The following DNASE1 variants were observed in gnomAD, a reference collection of about 807,000 sequenced individuals.
DNASE1 encodes the protein deoxyribonuclease-1.
Under a neutral mutation model 33.9 loss-of-function variants are expected in DNASE1, and 40 were observed. The ratio of observed to expected loss-of-function variants is 1.18; its 90% CI spans 0.92 to 1.54. DNASE1 has a LOEUF of 1.54. DNASE1 is among the 40% of genes most tolerant of loss of function. The pLI, the probability that DNASE1 is intolerant of heterozygous loss-of-function variation, is 0.00. For missense variants in DNASE1, 518 were observed against 372.6 expected (o/e 1.39, Z -3.21); for synonymous variants, 216 against 160.0 (o/e 1.35, Z -2.64).
chr16:3,619,373 T>A (rs1251090170), intron 1 of DNASE1, among the ~76,000 whole-genome samples: 1 of 149,286 alleles, frequency 6.7e-6, no homozygotes, highest in Non-Finnish European at 1.5e-5. Context: ...TTTTTTATTT[T>A]TTTTTGGAGA....
At chr16:3,656,018 G>C in intron 3 of DNASE1, 81 bp downstream of exon 3, 1 of 1,611,748 alleles carries the variant, frequency 6.2e-7, no homozygotes. Flanking sequence ...CCAAGGGTGG[G>C]GACCTGGGCA....
chr16:3,629,401 G>T (rs1415901728), intron 1 of DNASE1, among the ~76,000 whole-genome samples: 1 of 152,082 alleles, frequency 6.6e-6, no homozygotes. Flanking sequence ...GAATTTTGTA[G>T]GTTGGACCAT....
chr16:3,627,555 G>A (rs1273390201), intron 1 of DNASE1, among the ~76,000 whole-genome samples: 6 of 152,246 alleles, frequency 3.9e-5, no homozygotes, highest in Admixed American at 3.9e-4. Flanking sequence ...ACATGAGCCA[G>A]TGCACCTGGC....
rs768579931 is a variant in DNASE1 at position 3,656,772 on chromosome 16, A to AG, written c.436+22dup. ...TTCACAGGTGGGTGCTGCCTGGGCCAGGGTGGGGCTCGGCTTGGCGCTTAT... is the reference window on the plus strand; with the variant it reads ...TTCACAGGTGGGTGCTGCCTGGGCCAGGGGTGGGGCTCGGCTTGGCGCTTAT... On this transcript the variant is annotated intron_variant, in intron 5 of 8. Coordinates refer to ENST00000246949, the MANE Select transcript of DNASE1 (RefSeq NM_005223.4). The AG allele has an allele frequency of 6.3e-7, 1 of 1,591,306 alleles. No individual in the cohort carries two copies. The highest frequency in any genetic ancestry group is 8.6e-7 in the Non-Finnish European group (1 of 1,168,930).
At position 3,663,628 on chromosome 16, in the gene DNASE1, G is replaced by A. The variant is rs1222830743; in HGVS notation, c.*5675G>A. ...CTCCAGCCACCACAGAAGAAAGGAT[G>A]AGGGCGGCAGGAGGGCTGGGGGAGC... On this transcript the variant is annotated 3_prime_UTR_variant, in exon 10 of 10. Transcript: ENST00000407479. 5 of 1,598,564 alleles carry A rather than the reference G, an allele frequency of 3.1e-6. No individual in the cohort carries two copies. The African/African-American group carries it at 4.0e-5, about 13-fold the overall frequency.
Position 3,620,848 on chromosome 16 carries a change from TG to T in DNASE1, c.-1359+8844del, listed in dbSNP as rs1188216875. Among the ~76,000 whole-genome samples, 3 of 152,114 alleles carry T rather than the reference TG, an allele frequency of 2.0e-5. No individual in the cohort carries two copies. The East Asian group carries it at 5.8e-4, about 29-fold the overall frequency. ...CAGAGTCTTACTCTGTCACCCAGGC[TG>T]GAGTGCAGTGGCGCAATGCCGGCTC... On this transcript the variant is annotated intron_variant and NMD_transcript_variant, in intron 1 of 11. Coordinates refer to the DNASE1 transcript ENST00000570769.
At chr16:3,621,341 A>G (rs538178122) in intron 1 of DNASE1, among the ~76,000 whole-genome samples, 3 of 152,256 alleles carry the variant, frequency 2.0e-5, no homozygotes, top group Admixed American at 1.3e-4. Flanking sequence ...CCTGCCTCCA[A>G]AAGTGCTGGG....
In DNASE1 at chr16:3,657,753, C is replaced by T. The variant is rs749533626; in HGVS notation, c.738C>T (p.Ala246=). 24 of 1,613,772 alleles carry T rather than the reference C, an allele frequency of 1.5e-5. No homozygotes were observed. The highest frequency in any genetic ancestry group is 1.3e-4 in the East Asian group (6 of 44,870). The stretch of plus-strand genomic sequence containing the variant: ...TTGCAGGGATGCTGCTCCGAGGCGC[C>T]GTTGTTCCCGACTCGGCTCTTCCCT... ...IVVAGMLLRG[A]VVPDSALPFN... Residue 246 remains alanine (A), a synonymous_variant, in exon 8 of 9, where the codon GCC becomes GCT. Coordinates refer to ENST00000246949, the MANE Select transcript of DNASE1 (RefSeq NM_005223.4).
upstream of DNASE1, chr16:3,640,757 C>A (rs529664534): frequency 1.3e-5 from 5 of 398,626 alleles, no homozygotes; most frequent in South Asian, 5.1e-4. Flanking sequence ...CAAAAGCTTG[C>A]TGAGTGGTAC....
At chr16:3,660,988 CTTTTTGCTGTTTTCTA>C (rs2043043463), downstream of DNASE1, 1 of 152,032 alleles carries the variant, frequency 6.6e-6, no homozygotes, top group African/African-American at 2.4e-5. Context: ...TTTTGATTTC[CTTTTTGCTGTTTTCTA>C]TTTTTGGTAA....
intron 4 of DNASE1, 59 bp downstream of exon 4, chr16:3,656,244 A>G: frequency 6.5e-7 from 1 of 1,548,724 alleles, no homozygotes; most frequent in Non-Finnish European, 8.9e-7. Flanking sequence ...CCAACAGAGC[A>G]GGGAAGTAGT....
rs1445584876 is a variant in DNASE1 at position 3,657,080 on chromosome 16, A to T, written c.518A>T (p.Tyr173Phe). 6.2e-7 allele frequency: 1 copy of T among 1,614,082 alleles called. No homozygotes were observed. The highest frequency in any genetic ancestry group is 8.5e-7 in the Non-Finnish European group (1 of 1,180,014). The change falls in exon 6 of 9, where the codon TAC (tyrosine) becomes TTC (phenylalanine). Residue 173 changes from tyrosine to phenylalanine, a missense_variant. Physicochemically the swap from Tyr to Phe is conservative, Grantham distance 22. Coordinates refer to ENST00000246949, the MANE Select transcript of DNASE1 (RefSeq NM_005223.4). ...GAGATCGACGCTCTCTATGACGTCTACCTGGATGTCCAAGAGAAATGGGGC... is the reference window on the plus strand; with the variant it reads ...GAGATCGACGCTCTCTATGACGTCTTCCTGGATGTCCAAGAGAAATGGGGC... ...VAEIDALYDVYLDVQEKWGLE... is the reference protein window; with the variant it reads ...VAEIDALYDVFLDVQEKWGLE...
chr16:3,646,132 C>G (rs2042166085), intron 1 of DNASE1, among the ~76,000 whole-genome samples: 2 of 152,150 alleles, frequency 1.3e-5, no homozygotes, highest in South Asian at 4.1e-4. Context: ...TTCCTGTCAG[C>G]TCAAGCCCAG....
At chr16:3,635,237 C>T (rs899734632) in intron 1 of DNASE1, among the ~76,000 whole-genome samples, 1 of 151,898 alleles carries the variant, frequency 6.6e-6, no homozygotes, top group Non-Finnish European at 1.5e-5. Flanking sequence ...GCAGATGGAT[C>T]GCTTGAGGTC....
chr16:3,614,013 C>G (rs1380823822), intron 1 of DNASE1, among the ~76,000 whole-genome samples: 1 of 149,714 alleles, frequency 6.7e-6, no homozygotes, highest in Admixed American at 6.7e-5. Flanking sequence ...CCCGGGTTCA[C>G]GCCATTCTCC....
rs914236621 is a variant in DNASE1, at chr16:3,656,674, C to T, written c.357C>T (p.Tyr119=). 9.9e-6 allele frequency: 16 copies of T among 1,613,118 alleles called. No individual in the cohort carries two copies. The highest frequency in any genetic ancestry group is 4.0e-5 in the African/African-American group (3 of 74,908). The change falls in exon 5 of 9, where the codon TAC becomes TAT. Residue 119 remains tyrosine, a synonymous_variant. Coordinates refer to ENST00000246949, the MANE Select transcript of DNASE1 (RefSeq NM_005223.4). ...TGTCTGCGGTGGACAGCTACTACTACGATGATGGCTGCGAGCCCTGCGGGA... is the reference window on the plus strand; with the variant it reads ...TGTCTGCGGTGGACAGCTACTACTATGATGATGGCTGCGAGCCCTGCGGGA... ...DQVSAVDSYY[Y]DDGCEPCGND... is the part of the protein sequence containing the mutation.
chr16:3,664,360 G>C (rs113510154), exon 10 of DNASE1: 16 of 1,612,996 alleles, frequency 9.9e-6, no homozygotes, highest in Non-Finnish European at 1.4e-5. Context: ...TAGATGTTGC[G>C]GGTGCCGGCC....
exon 10 of DNASE1, chr16:3,663,944 T>G: frequency 2.9e-6 from 1 of 345,006 alleles, no homozygotes; most frequent in Non-Finnish European, 5.3e-6. Context: ...GCACCTGTAG[T>G]CCCAGCTACT....
intron 1 of DNASE1, among the ~76,000 whole-genome samples, chr16:3,623,257 A>T (rs996088886): frequency 1.3e-5 from 2 of 152,046 alleles, no homozygotes; most frequent in Non-Finnish European, 2.9e-5. Flanking sequence ...ACGCTATTCA[A>T]TAAATAGCGC....
Sources: allele counts gnomAD v4.1 joint callset (sites outside exome capture counted in the v4.1 genomes callset), GRCh38; gene constraint gnomAD v4.1.1; transcripts MANE v1.5; gene names NCBI Gene and HGNC (gene_info 2026-07-23, HGNC 2026-07-21).